CD2AP: variants seen among roughly 807,000 people sequenced by gnomAD.
The protein encoded by CD2AP is CD2 associated protein, also known as CD2-associated protein.
CD2AP carries 46 observed loss-of-function variants against 85.1 expected under a neutral mutation model. The observed-to-expected ratio is 0.54, with a 90% CI of 0.43 to 0.69. The LOEUF (loss-of-function observed/expected upper bound fraction) is 0.69. Ranked by LOEUF, CD2AP falls within the 30% of genes least tolerant of loss-of-function variation. The probability of loss-of-function intolerance (pLI) is 0.00; values close to 1 mark genes in which losing one functional copy is unlikely to be tolerated. For missense variants in CD2AP, 769 were observed against 729.5 expected (o/e 1.05, Z -0.62); for synonymous variants, 255 against 252.9 (o/e 1.01, Z -0.08).
At chr6:47,588,724 C>G (rs1048295233) in intron 11 of CD2AP, among the ~76,000 whole-genome samples, 1 of 152,082 alleles carries the variant, frequency 6.6e-6, no homozygotes, top group African/African-American at 2.4e-5. Flanking sequence ...CTGCCATCCT[C>G]AGTGTACACT....
At chr6:47,599,956 T>C (rs982279703) in intron 13 of CD2AP, among the ~76,000 whole-genome samples, 1 of 149,780 alleles carries the variant, frequency 6.7e-6, no homozygotes, top group African/African-American at 2.4e-5. Flanking sequence ...CTGATATCTT[T>C]GTCTAATCTG....
chr6:47,554,218 T>TA (rs1168283645), intron 4 of CD2AP, among the ~76,000 whole-genome samples: 1 of 152,176 alleles, frequency 6.6e-6, no homozygotes, highest in Non-Finnish European at 1.5e-5. Context: ...GCCAGGAAGT[T>TA]ATATTCTTAG....
intron 3 of CD2AP, among the ~76,000 whole-genome samples, chr6:47,542,128 T>C (rs967267080): frequency 6.6e-6 from 1 of 152,236 alleles, no homozygotes; most frequent in African/African-American, 2.4e-5. Context: ...CTGTCCTTTC[T>C]AATTTTTGAA....
At chr6:47,591,602 G>A (rs1394853304) in intron 11 of CD2AP, among the ~76,000 whole-genome samples, 1 of 151,784 alleles carries the variant, frequency 6.6e-6, no homozygotes, top group Non-Finnish European at 1.5e-5. Flanking sequence ...TCCTGTTTTG[G>A]TGCCCATATT....
chr6:47,595,900 C>T lies in CD2AP; in HGVS notation c.1148C>T (p.Ala383Val), dbSNP rs149300022. The part of the protein sequence containing the change: ...STLEQKPSKP[A>V]APQVPPKKPT... ...CTGGAACAGAAACCTTCTAAACCAG[C>T]AGCTCCACAAGTCCCACCCAAGAAA... Residue 383 changes from alanine (A) to valine (V), a missense_variant, in exon 12 of 18, where the codon GCA (alanine) becomes GTA (valine). Coordinates refer to ENST00000359314, the MANE Select transcript of CD2AP (RefSeq NM_012120.3). 5 of 1,612,614 alleles carry T rather than the reference C, an allele frequency of 3.1e-6. No homozygotes were observed. The Admixed American group carries it at 5.0e-5, about 16-fold the overall frequency.
chr6:47,500,160 CTATTTTT>C (rs1476810851), intron 1 of CD2AP, among the ~76,000 whole-genome samples: 2 of 152,180 alleles, frequency 1.3e-5, no homozygotes, highest in Non-Finnish European at 2.9e-5. Flanking sequence ...TTTTCCTAAG[CTATTTTT>C]TATTTTTTTG....
In CD2AP at chr6:47,624,406, A is replaced by G. The variant is rs1769848113; in HGVS notation, c.*179A>G. The G allele has an allele frequency of 1.8e-6, 1 of 566,566 alleles. No homozygotes were observed. Among genetic ancestry groups the G allele is most frequent in the Non-Finnish European group, 3.1e-6 (1 of 320,330 alleles). The allele number at this position is 566,566 out of a possible 1,614,324, so 35.1% of individuals were successfully genotyped here. A position where few individuals can be genotyped will look rare whatever the true frequency, so the allele number is the denominator to read the frequency against. On this transcript the variant is annotated 3_prime_UTR_variant, in exon 18 of 18. Coordinates refer to ENST00000359314, the MANE Select transcript of CD2AP (RefSeq NM_012120.3). ...ATTTATATATATATTTTGTTTTGCC[A>G]ATATGAAGAAAAAGAGGCCTTATTT...
chr6:47,515,249 G>A (rs1487603879), intron 2 of CD2AP, among the ~76,000 whole-genome samples: 1 of 151,728 alleles, frequency 6.6e-6, no homozygotes, highest in African/African-American at 2.4e-5. Flanking sequence ...TAAAGTAGGG[G>A]GTACAGTATA....
chr6:47,496,425 GA>G (rs2113973062), intron 1 of CD2AP, among the ~76,000 whole-genome samples: 1 of 152,092 alleles, frequency 6.6e-6, no homozygotes, highest in East Asian at 1.9e-4. Context: ...ACTTAATTAT[GA>G]ATAAGTTTAA....
At chr6:47,484,458 GA>G (rs1426523956) in intron 1 of CD2AP, among the ~76,000 whole-genome samples, 1 of 150,506 alleles carries the variant, frequency 6.6e-6, no homozygotes, top group Non-Finnish European at 1.5e-5. Context: ...TTGATTTACT[GA>G]AAGCATATTT....
intron 5 of CD2AP, among the ~76,000 whole-genome samples, chr6:47,559,121 T>G (rs1767776447): frequency 6.6e-6 from 1 of 152,210 alleles, no homozygotes; most frequent in African/African-American, 2.4e-5. Context: ...TAGAGGTGTT[T>G]ATAGTATTCT....
intron 2 of CD2AP, among the ~76,000 whole-genome samples, chr6:47,514,922 C>T (rs369459203): frequency 9.2e-5 from 14 of 151,942 alleles, no homozygotes; most frequent in African/African-American, 1.7e-4. Flanking sequence ...AGTGGTGGCA[C>T]GCACCTGCAA....
chr6:47,482,925 A>G (rs934693428), intron 1 of CD2AP, among the ~76,000 whole-genome samples: 1 of 152,252 alleles, frequency 6.6e-6, no homozygotes, highest in African/African-American at 2.4e-5. Context: ...GCAGATAGGT[A>G]GAGAAAGAAG....
At position 47,501,238 on chromosome 6, in the gene CD2AP, T is replaced by G. The variant is rs77545627; in HGVS notation, c.5-2042T>G. Among the ~76,000 whole-genome samples the G allele has an allele frequency of 2.2e-4, 33 of 152,224 alleles. No individual in the cohort carries two copies. The East Asian group carries it at 5.2e-3, about 24-fold the overall frequency. ...CCCATCTCTATTTAAAAAATAAAAATAAAAAGAATTCCTTCATCTCATGCT... is the reference window on the plus strand; with the variant it reads ...CCCATCTCTATTTAAAAAATAAAAAGAAAAAGAATTCCTTCATCTCATGCT... On this transcript the variant is annotated intron_variant, in intron 1 of 17. Transcript: ENST00000359314.
chr6:47,478,782 T>C (rs1331895950), intron 1 of CD2AP, among the ~76,000 whole-genome samples: 1 of 151,922 alleles, frequency 6.6e-6, no homozygotes, highest in Non-Finnish European at 1.5e-5. Context: ...AAAGCTTGAG[T>C]ATTTGTTTTA....
rs1769873550 is a variant in CD2AP, at chr6:47,625,026, T to G, written c.*799T>G. 2.6e-5 allele frequency: 4 copies of G among 152,078 alleles called. No individual in the cohort carries two copies. The South Asian group carries it at 8.3e-4, about 32-fold the overall frequency. 9.4% of individuals were successfully genotyped at this position (152,078 alleles called of 1,614,324 possible). A position where few individuals can be genotyped will look rare whatever the true frequency, so the allele number is the denominator to read the frequency against. On this transcript the variant is annotated 3_prime_UTR_variant, in exon 18 of 18. Transcript: ENST00000359314. ...TTTTAAATTTGTTAGGTCTGAAGAATCTAAAACTGTTAATTTAACCCTTAA... is the reference window on the plus strand; with the variant it reads ...TTTTAAATTTGTTAGGTCTGAAGAAGCTAAAACTGTTAATTTAACCCTTAA...
At chr6:47,589,565 C>CACGTATATATATATATAT (rs139814970) in intron 11 of CD2AP, among the ~76,000 whole-genome samples, 1 of 120,942 alleles carries the variant, frequency 8.3e-6, no homozygotes, top group Non-Finnish European at 1.8e-5. Flanking sequence ...CACACACACA[C>CACGTATATATATATATAT]ATATATATAT....
chr6:47,582,869 G>A (rs1447968151), intron 11 of CD2AP, among the ~76,000 whole-genome samples: 11 of 148,666 alleles, frequency 7.4e-5, no homozygotes, highest in Non-Finnish European at 1.3e-4. Flanking sequence ...TGCAAGCTCC[G>A]CCTCCTGGGT....
chr6:47,616,044 A>C (rs1769575459), intron 17 of CD2AP, among the ~76,000 whole-genome samples: 1 of 143,946 alleles, frequency 6.9e-6, no homozygotes, highest in Admixed American at 7.0e-5. Context: ...CAGCCTCCCA[A>C]AGTGCTGGAA....
Sources: gnomAD v4.1 joint callset for allele counts (sites outside exome capture counted in the v4.1 genomes callset) on GRCh38, gnomAD v4.1.1 for gene constraint, MANE v1.5 for transcripts, NCBI Gene and HGNC (gene_info 2026-07-23, HGNC 2026-07-21) for gene names.